Variants in LEP observed in about 807,000 individuals in gnomAD.
LEP encodes leptin (murine obesity homolog).
In LEP, 6 loss-of-function variants were observed where a neutral mutation model predicts 9.8. The observed-to-expected ratio is 0.61, with a 90% CI of 0.34 to 1.21. LEP has a LOEUF of 1.21. LEP is among the 50% of genes most tolerant of loss of function. LEP has a pLI of 0.04. For missense variants in LEP, 134 were observed against 198.1 expected (o/e 0.68, Z 1.94); for synonymous variants, 112 against 81.7 (o/e 1.37, Z -2.00).
At chr7:128,246,391 G>T (rs1242224786) in intron 1 of LEP, among the ~76,000 whole-genome samples, 1 of 152,164 alleles carries the variant, frequency 6.6e-6, no homozygotes, top group African/African-American at 2.4e-5. Context: ...TTGTGGTGGG[G>T]TGGATGGCAC....
At position 128,252,201 on chromosome 7, in the gene LEP, A is replaced by G; in HGVS notation, c.144+39A>G. On this transcript the variant is annotated intron_variant, in intron 2 of 2. Transcript: ENST00000308868. The stretch of plus-strand genomic sequence containing the variant: ...GCGGGGACAAAGTAGAACTGCAGCC[A>G]GCCCAGCACTGGCTCCTAGTGGCAC... 4 of 1,611,820 alleles carry G rather than the reference A, an allele frequency of 2.5e-6. No homozygotes were observed. The South Asian group carries it at 3.3e-5, about 13-fold the overall frequency.
At chr7:128,250,987 C>T (rs1449664317) in intron 1 of LEP, among the ~76,000 whole-genome samples, 2 of 152,196 alleles carry the variant, frequency 1.3e-5, no homozygotes, top group Non-Finnish European at 2.9e-5. Flanking sequence ...AGTTCCAAGA[C>T]TTTGAAAGTT....
intron 1 of LEP, among the ~76,000 whole-genome samples, chr7:128,244,684 C>A (rs1437555640): frequency 6.6e-6 from 1 of 152,292 alleles, no homozygotes; most frequent in East Asian, 1.9e-4. Context: ...GGAGGGCCAC[C>A]AGGCCTCACG....
chr7:128,248,513 T>C (rs1795240852), intron 1 of LEP, among the ~76,000 whole-genome samples: 1 of 151,924 alleles, frequency 6.6e-6, no homozygotes, highest in African/African-American at 2.4e-5. Flanking sequence ...AGCAAGAGAA[T>C]TGCTTGAACC....
intron 1 of LEP, among the ~76,000 whole-genome samples, chr7:128,251,691 G>A (rs529969253): frequency 6.6e-6 from 1 of 152,328 alleles, no homozygotes; most frequent in East Asian, 1.9e-4. Context: ...CCTCGAGCAT[G>A]CAATGAAGTC....
At chr7:128,245,856 G>A (rs961783581) in intron 1 of LEP, among the ~76,000 whole-genome samples, 1 of 152,044 alleles carries the variant, frequency 6.6e-6, no homozygotes, top group African/African-American at 2.4e-5. Flanking sequence ...GAGGTCAGGA[G>A]TTTGAGACCA....
At chr7:128,249,126 A>G (rs1424804633) in intron 1 of LEP, among the ~76,000 whole-genome samples, 1 of 152,182 alleles carries the variant, frequency 6.6e-6, no homozygotes, top group African/African-American at 2.4e-5. Context: ...CCCAGGTACT[A>G]AGACTCAGGT....
intron 1 of LEP, among the ~76,000 whole-genome samples, chr7:128,245,854 G>A (rs1205524518): frequency 6.6e-6 from 1 of 151,984 alleles, no homozygotes; most frequent in African/African-American, 2.4e-5. Flanking sequence ...ACGAGGTCAG[G>A]AGTTTGAGAC....
intron 1 of LEP, among the ~76,000 whole-genome samples, chr7:128,245,037 T>G (rs531020721): frequency 3.6e-4 from 55 of 152,250 alleles, no homozygotes; most frequent in African/African-American, 9.6e-4. Flanking sequence ...TCAAGGGTTG[T>G]GTATGTGTGT....
In LEP at chr7:128,254,778, C is replaced by T. The variant is rs764638610; in HGVS notation, c.*15C>T. On this transcript the variant is annotated 3_prime_UTR_variant, in exon 3 of 3. Coordinates refer to ENST00000308868, the MANE Select transcript of LEP (RefSeq NM_000230.3). ...CTGGGTGCTGAGGCCTTGAAGGTCA[C>T]TCTTCCTGCAAGGACTACGTTAAGG... 1.9e-6 allele frequency: 3 copies of T among 1,604,768 alleles called. No homozygotes were observed. The highest frequency in any genetic ancestry group is 3.3e-5 in the Admixed American group (2 of 60,016).
chr7:128,247,660 A>G (rs1183557298), intron 1 of LEP, among the ~76,000 whole-genome samples: 1 of 152,124 alleles, frequency 6.6e-6, no homozygotes, highest in Non-Finnish European at 1.5e-5. Context: ...ATCAAATGCC[A>G]TCTCCTCCAT....
intron 1 of LEP, among the ~76,000 whole-genome samples, chr7:128,250,864 C>G (rs1360075665): frequency 6.6e-6 from 1 of 152,216 alleles, no homozygotes; most frequent in Admixed American, 6.5e-5. Flanking sequence ...TAGCATGGAT[C>G]ATTGGCCACA....
intron 2 of LEP, among the ~76,000 whole-genome samples, chr7:128,253,789 G>A (rs950646442): frequency 1.3e-5 from 2 of 152,254 alleles, no homozygotes; most frequent in Non-Finnish European, 2.9e-5. Flanking sequence ...AAGACTGCAC[G>A]TGATAGATCC....
At position 128,254,960 on chromosome 7, in the gene LEP, C is replaced by T. The variant is rs199893150; in HGVS notation, c.*197C>T. 14 of 636,408 alleles carry T rather than the reference C, an allele frequency of 2.2e-5. No homozygotes were observed. In the East Asian group the frequency reaches 2.8e-4, roughly 13 times the overall value. The allele number at this position is 636,408 out of a possible 1,614,324, so 39.4% of individuals were successfully genotyped here. A position where few individuals can be genotyped will look rare whatever the true frequency, so the allele number is the denominator to read the frequency against. On this transcript the variant is annotated 3_prime_UTR_variant, in exon 3 of 3. Coordinates refer to ENST00000308868, the MANE Select transcript of LEP (RefSeq NM_000230.3). Reference sequence around the variant, plus strand: ...TTGCTTGAAACCAAAGATATATACACAGGATCCTATTCTCACCAGGAAGGG... The same window carrying T: ...TTGCTTGAAACCAAAGATATATACATAGGATCCTATTCTCACCAGGAAGGG...
chr7:128,244,882 T>C (rs1384444033), intron 1 of LEP, among the ~76,000 whole-genome samples: 1 of 152,062 alleles, frequency 6.6e-6, no homozygotes, highest in African/African-American at 2.4e-5. Context: ...TCTAAATTCC[T>C]AAGAGAGAAG....
intron 1 of LEP, among the ~76,000 whole-genome samples, chr7:128,248,651 T>G (rs1026742768): frequency 2.2e-4 from 34 of 152,218 alleles, no homozygotes; most frequent in Admixed American, 1.8e-3. Flanking sequence ...GTTAAATATG[T>G]AAATTCTCAA....
intron 1 of LEP, among the ~76,000 whole-genome samples, chr7:128,243,443 G>T (rs1395989899): frequency 6.6e-6 from 1 of 152,150 alleles, no homozygotes; most frequent in Non-Finnish European, 1.5e-5. Context: ...AAGGGGAGGG[G>T]TCCCAGAGTG....
intron 2 of LEP, 113 bp downstream of exon 2, chr7:128,252,275 A>T (rs1795284583): frequency 1.7e-6 from 2 of 1,175,034 alleles, no homozygotes; most frequent in Admixed American, 3.4e-5. Flanking sequence ...CCTGAATGCC[A>T]GGCACCTACT....
intron 2 of LEP, among the ~76,000 whole-genome samples, chr7:128,253,283 T>G (rs1795296472): frequency 6.6e-6 from 1 of 152,148 alleles, no homozygotes; most frequent in Non-Finnish European, 1.5e-5. Flanking sequence ...GTCTACCCTT[T>G]TTCACATTCA....
Sources: gnomAD v4.1 joint callset for allele counts (sites outside exome capture counted in the v4.1 genomes callset) on GRCh38, gnomAD v4.1.1 for gene constraint, MANE v1.5 for transcripts, NCBI Gene and HGNC (gene_info 2026-07-23, HGNC 2026-07-21) for gene names.